DNAH9: variants seen among roughly 807,000 people sequenced by gnomAD.
DNAH9 encodes dynein axonemal heavy chain 9.
In DNAH9, 345 loss-of-function variants were observed where a neutral mutation model predicts 471.6. That is an observed-to-expected ratio of 0.73 (90% CI 0.67 to 0.80). DNAH9 has a LOEUF of 0.80. Among genes scored for constraint, DNAH9 ranks in the 30% least tolerant of loss-of-function variants. DNAH9 has a pLI of 0.00. For synonymous variants in DNAH9, 2,093 were observed against 2,123.6 expected (o/e 0.99, Z 0.40); for missense variants, 5,407 against 5,609.2 (o/e 0.96, Z 1.15).
chr17:11,834,649 G>A lies in DNAH9; in HGVS notation c.9258G>A (p.Leu3086=). ...CTTCTCCAATGCAGGTGGATGATCTGAAAGCAAAGCTGGCTGCCCAGGAAG... is the reference window on the plus strand; with the variant it reads ...CTTCTCCAATGCAGGTGGATGATCTAAAAGCAAAGCTGGCTGCCCAGGAAG... The part of the protein sequence containing the change: ...LHSTSAQVDD[L]KAKLAAQEVE... The change falls in exon 49 of 69, where the codon CTG becomes CTA. Residue 3086 remains leucine, a synonymous_variant. Coordinates refer to ENST00000262442, the MANE Select transcript of DNAH9 (RefSeq NM_001372.4). The A allele has an allele frequency of 6.2e-7, 1 of 1,614,042 alleles. No individual in the cohort carries two copies. Among genetic ancestry groups the A allele is most frequent in the Non-Finnish European group, 8.5e-7 (1 of 1,179,998 alleles).
chr17:11,668,572 G>T (rs1406923691), intron 15 of DNAH9, among the ~76,000 whole-genome samples: 1 of 150,676 alleles, frequency 6.6e-6, no homozygotes, highest in African/African-American at 2.4e-5. Flanking sequence ...GGCTGTGGCA[G>T]AAGAATCTCT....
chr17:11,638,697 T>A (rs1055413660), intron 9 of DNAH9, among the ~76,000 whole-genome samples: 11 of 152,146 alleles, frequency 7.2e-5, no homozygotes, highest in African/African-American at 4.8e-5. Context: ...CAGCTCACAC[T>A]TCTGTAGGTC....
intron 50 of DNAH9, among the ~76,000 whole-genome samples, chr17:11,857,042 G>A (rs1012468957): frequency 1.3e-5 from 2 of 152,080 alleles, no homozygotes; most frequent in African/African-American, 4.8e-5. Context: ...CTGCTTTTTG[G>A]GAGGAAAAGA....
intron 50 of DNAH9, among the ~76,000 whole-genome samples, chr17:11,861,473 C>T (rs1325923177): frequency 5.3e-5 from 8 of 151,928 alleles, no homozygotes; most frequent in East Asian, 1.9e-4. Flanking sequence ...TGAATAGTGC[C>T]GCAATAAAAA....
rs1238617529 is a variant in DNAH9 at position 11,727,869 on chromosome 17, T to C, written c.5761T>C (p.Phe1921Leu). The C allele has an allele frequency of 6.2e-7, 1 of 1,614,064 alleles. No homozygotes were observed. The highest frequency in any genetic ancestry group is 8.5e-7 in the Non-Finnish European group (1 of 1,180,014). Residue 1921 changes from phenylalanine to leucine, a missense_variant, in exon 28 of 69, where the codon TTT becomes CTT. Coordinates refer to ENST00000262442, the MANE Select transcript of DNAH9 (RefSeq NM_001372.4). ...TGCTCAGACTGGTGCCTGGGGCTGC[T>C]TTGATGAGTTTAATCGAATCTCCGT... ...GLAQTGAWGC[F>L]DEFNRISVEV... is the part of the protein sequence containing the mutation.
Position 11,886,912 on chromosome 17 carries a change from T to C in DNAH9, c.11059T>C (p.Phe3687Leu), listed in dbSNP as rs748711407. Residue 3687 changes from phenylalanine to leucine, a missense_variant, in exon 57 of 69, where the codon TTC (phenylalanine) becomes CTC (leucine). Physicochemically the swap from Phe to Leu is conservative, Grantham distance 22 (BLOSUM62 0). Around this residue, in one of 3 missense-constraint regions of DNAH9, gnomAD observed 4,636 missense variants for 4,900.3 expected, o/e 0.95. Transcript: ENST00000262442. ...AGCTGCCAGGGCCTCACTGCTCTAC[T>C]TCATCATGAACGACCTCAGCAAGAT... ...PAAARASLLY[F>L]IMNDLSKIHP... The C allele has an allele frequency of 6.2e-7, 1 of 1,613,116 alleles. No individual in the cohort carries two copies. The highest frequency in any genetic ancestry group is 2.2e-5 in the East Asian group (1 of 44,844).
Position 11,643,701 on chromosome 17 carries a change from T to C in DNAH9, c.1902-930T>C, listed in dbSNP as rs147735018. Among the ~76,000 whole-genome samples, 90 of 152,186 alleles carry C rather than the reference T, an allele frequency of 5.9e-4. 1 individual carries two copies. The East Asian group carries it at 0.015, about 25-fold the overall frequency. The stretch of plus-strand genomic sequence containing the variant: ...TATGATCAACACGCTCTATGATCAA[T>C]ATGCTCTATGATCAATACGTTCTAT... On this transcript the variant is annotated intron_variant, in intron 10 of 68. Coordinates refer to ENST00000262442, the MANE Select transcript of DNAH9 (RefSeq NM_001372.4).
intron 27 of DNAH9, 133 bp downstream of exon 27, chr17:11,719,623 A>C: frequency 1.2e-6 from 1 of 850,490 alleles, no homozygotes; most frequent in Non-Finnish European, 1.8e-6. Context: ...AGGAGGTCTC[A>C]GTTTGCTCCT....
chr17:11,667,516 T>C (rs1467717588), intron 15 of DNAH9, among the ~76,000 whole-genome samples: 1 of 152,200 alleles, frequency 6.6e-6, no homozygotes, highest in Non-Finnish European at 1.5e-5. Context: ...ATTTTGAGTA[T>C]ACTGCAGTAT....
intron 45 of DNAH9, among the ~76,000 whole-genome samples, chr17:11,817,065 A>T (rs957234247): frequency 6.8e-6 from 1 of 146,688 alleles, no homozygotes; most frequent in East Asian, 1.9e-4. Context: ...CAAAAAAAAA[A>T]ATAATAATAA....
At chr17:11,885,189 G>C (rs1972842628) in intron 56 of DNAH9, among the ~76,000 whole-genome samples, 1 of 152,200 alleles carries the variant, frequency 6.6e-6, no homozygotes, top group African/African-American at 2.4e-5. Context: ...CAAGTAAACA[G>C]GCAGTTACAA....
chr17:11,698,069 AAT>A (rs2074507203), intron 22 of DNAH9, among the ~76,000 whole-genome samples: 1 of 143,862 alleles, frequency 7.0e-6, no homozygotes, highest in Non-Finnish European at 1.5e-5. Flanking sequence ...AATTATATAT[AAT>A]GTTACTTTAT....
intron 43 of DNAH9, among the ~76,000 whole-genome samples, chr17:11,801,076 T>C (rs1173419416): frequency 2.0e-5 from 3 of 152,134 alleles, no homozygotes; most frequent in Admixed American, 6.5e-5. Flanking sequence ...GCATATATCA[T>C]TGCATTTAGT....
chr17:11,966,367 C>T (rs1976725914), intron 68 of DNAH9, among the ~76,000 whole-genome samples: 1 of 152,168 alleles, frequency 6.6e-6, no homozygotes, highest in Admixed American at 6.5e-5. Context: ...GCAAAACTCT[C>T]TTTCAAAAGT....
intron 61 of DNAH9, 88 bp downstream of exon 61, chr17:11,905,897 C>T: frequency 6.9e-7 from 1 of 1,442,308 alleles, no homozygotes. Context: ...TTTCTGGATT[C>T]AAGCTTCAAA....
intron 28 of DNAH9, among the ~76,000 whole-genome samples, chr17:11,733,284 A>G (rs929388271): frequency 6.6e-6 from 1 of 152,242 alleles, no homozygotes; most frequent in Non-Finnish European, 1.5e-5. Flanking sequence ...CCAAGATCCC[A>G]GTAGCATAGG....
At chr17:11,813,201 T>C (rs182009230) in intron 45 of DNAH9, among the ~76,000 whole-genome samples, 6 of 152,224 alleles carry the variant, frequency 3.9e-5, no homozygotes, top group Non-Finnish European at 8.8e-5. Context: ...TCATGGAGTT[T>C]TAGGCCCCAT....
chr17:11,708,609 G>T (rs533120274), intron 26 of DNAH9, among the ~76,000 whole-genome samples: 2 of 152,242 alleles, frequency 1.3e-5, no homozygotes, highest in East Asian at 3.9e-4. Flanking sequence ...AGGAAAAGTG[G>T]TTCCCACCTT....
At position 11,768,588 on chromosome 17, in the gene DNAH9, G is replaced by A. The variant is rs772781273; in HGVS notation, c.7306G>A (p.Val2436Ile). The change falls in exon 37 of 69, where the codon GTC becomes ATC. Residue 2436 changes from valine to isoleucine, a missense_variant. Val to Ile is a conservative substitution (Grantham distance 29). This residue lies in a region of DNAH9 where 4,636 missense variants were observed against 4,900.3 expected (regional missense o/e 0.95). Transcript: ENST00000262442. Reference protein sequence around the residue: ...TKKFEPWSKLVPQFEFDPEMP... With the variant: ...TKKFEPWSKLIPQFEFDPEMP... The stretch of plus-strand genomic sequence containing the variant: ...GAAATTCGAGCCTTGGTCCAAGCTC[G>A]TCCCCCAGTTCGAATTTGACCCCGA... 21 of 1,613,878 alleles carry A rather than the reference G, an allele frequency of 1.3e-5. No homozygotes were observed. The highest frequency in any genetic ancestry group is 1.6e-4 in the Middle Eastern group (1 of 6,084).
Sources: gnomAD v4.1 joint callset for allele counts (sites outside exome capture counted in the v4.1 genomes callset) on GRCh38, gnomAD v4.1.1 for gene constraint, gnomAD v4.1.1 regional missense constraint, MANE v1.5 for transcripts, NCBI Gene and HGNC (gene_info 2026-07-23, HGNC 2026-07-21) for gene names.